Variants in NAGA observed in about 807,000 individuals in gnomAD.
NAGA encodes the protein alpha-N-acetylgalactosaminidase.
Under a neutral mutation model 45.6 loss-of-function variants are expected in NAGA, and 42 were observed. The observed-to-expected ratio is 0.92, with a 90% CI of 0.72 to 1.19. NAGA has a LOEUF of 1.19. NAGA is among the 50% of genes most tolerant of loss of function. NAGA has a pLI of 0.00. For missense variants in NAGA, 493 were observed against 544.8 expected, an observed-to-expected ratio of 0.90 and a Z score of 0.95; for synonymous variants, 176 against 203.1, an observed-to-expected ratio of 0.87 and a Z score of 1.13.
chr22:42,063,149 G>C, intron 6 of NAGA, 125 bp from the exon 7 acceptor site: 1 of 985,880 alleles, frequency 1.0e-6, no homozygotes, highest in Non-Finnish European at 1.5e-6. Flanking sequence ...GTATGTGGAG[G>C]AGGCCTGGTT....
At position 42,068,535 on chromosome 22, in the gene NAGA, T is replaced by A; in HGVS notation, c.56A>T (p.Asp19Val). 1.9e-6 allele frequency: 3 copies of A among 1,614,142 alleles called. No homozygotes were observed. Among genetic ancestry groups the A allele is most frequent in the Middle Eastern group, 1.6e-4 (1 of 6,062 alleles). The change falls in exon 2 of 9, where the codon GAC (aspartate) becomes GTC (valine). Residue 19 changes from aspartate (D) to valine (V), a missense_variant. Asp to Val is a radical substitution (Grantham distance 152, BLOSUM62 -3). Transcript: ENST00000396398. ...GGGTGGTGTCTGCAGGAGCCCATTGTCCAGCATCAGCACCTGGGCCACATG... is the reference window on the plus strand; with the variant it reads ...GGGTGGTGTCTGCAGGAGCCCATTGACCAGCATCAGCACCTGGGCCACATG... ...LGHVAQVLML[D>V]NGLLQTPPMG...
At chr22:42,068,238 AG>A (rs1926859886) in intron 2 of NAGA, among the ~76,000 whole-genome samples, 200 bp downstream of exon 2, 1 of 152,132 alleles carries the variant, frequency 6.6e-6, no homozygotes, top group African/African-American at 2.4e-5. Flanking sequence ...CCTCGTGACC[AG>A]GTTGGGGCCT....
Position 42,060,987 on chromosome 22 carries a change from A to G in NAGA, c.1038T>C (p.Asp346=). 1.2e-6 allele frequency: 2 copies of G among 1,614,210 alleles called. No individual in the cohort carries two copies. The highest frequency in any genetic ancestry group is 1.7e-6 in the Non-Finnish European group (2 of 1,180,036). ...SALVFFSCRT[D]MPYRYHSSLG... is the part of the protein sequence containing the mutation. ...GGGAGGAGTGGTAGCGATAAGGCAT[A>G]TCGGTCCTGCAGCTGAAGAAGACTA... Residue 346 remains aspartate (D), a synonymous_variant, in exon 8 of 9, where the codon GAT becomes GAC. Transcript: ENST00000396398.
In NAGA at chr22:42,061,019, T is replaced by TA. The variant is rs1926348671; in HGVS notation, c.1005dup (p.Ser336Ter). The TA allele has an allele frequency of 6.2e-7, 1 of 1,614,056 alleles. No individual in the cohort carries two copies. The highest frequency in any genetic ancestry group is 1.3e-5 in the African/African-American group (1 of 74,944). On this transcript the variant is annotated frameshift_variant, in exon 8 of 9. Coordinates refer to ENST00000396398, the MANE Select transcript of NAGA (RefSeq NM_000262.3). LOFTEE classifies it high-confidence loss of function. ...CTGCAGCTGAAGAAGACTAAGGCGC[T>TA]AGCCTTGTTGGACAGAGGCCGCATG...
rs775990524 is a variant in NAGA at position 42,058,459 on chromosome 22, C to A, written c.*1820G>T. The A allele has an allele frequency of 2.1e-5, 3 of 145,766 alleles. No individual in the cohort carries two copies. Among genetic ancestry groups the A allele is most frequent in the Non-Finnish European group, 3.0e-5 (2 of 67,168 alleles). The allele number at this position is 145,766 out of a possible 1,614,324, so 9.0% of individuals were successfully genotyped here. A position where few individuals can be genotyped will look rare whatever the true frequency, so the allele number is the denominator to read the frequency against. ...AAAGTTTTTAAAAAGAGAAAGGGTACCTTGCGTCCAAACAAGTCTGTATTT... is the reference window on the plus strand; with the variant it reads ...AAAGTTTTTAAAAAGAGAAAGGGTAACTTGCGTCCAAACAAGTCTGTATTT... On this transcript the variant is annotated 3_prime_UTR_variant, in exon 9 of 9. Coordinates refer to ENST00000396398, the MANE Select transcript of NAGA (RefSeq NM_000262.3).
In NAGA at chr22:42,061,070, G is replaced by A. The variant is rs1296415187; in HGVS notation, c.958-3C>T. On this transcript the variant is annotated splice_polypyrimidine_tract_variant and splice_region_variant and intron_variant, in intron 7 of 8. Coordinates refer to ENST00000396398, the MANE Select transcript of NAGA (RefSeq NM_000262.3). ...TACACTTCGATGAGAGATTTTTCCT[G>A]GGCACAGAAGGTGGCTACTGGCTGG... 6.2e-7 allele frequency: 1 copy of A among 1,613,952 alleles called. No homozygotes were observed. The highest frequency in any genetic ancestry group is 1.3e-5 in the African/African-American group (1 of 75,036).
rs1252141130 is a variant in NAGA, at chr22:42,070,493, T to C, written c.-196A>G. 6 of 679,248 alleles carry C rather than the reference T, an allele frequency of 8.8e-6. No individual in the cohort carries two copies. Among genetic ancestry groups the C allele is most frequent in the Non-Finnish European group, 1.6e-5 (6 of 371,612 alleles). The allele number at this position is 679,248 out of a possible 1,614,324, so 42.1% of individuals were successfully genotyped here. A position where few individuals can be genotyped will look rare whatever the true frequency, so the allele number is the denominator to read the frequency against. Reference sequence around the variant, plus strand: ...TGCCCGCCCCATCCCCAGCCATCACTTCCCGGAGCTTCAGTTCTTCCTTCA... The same window carrying C: ...TGCCCGCCCCATCCCCAGCCATCACCTCCCGGAGCTTCAGTTCTTCCTTCA... On this transcript the variant is annotated 5_prime_UTR_variant, in exon 1 of 9. Transcript: ENST00000396398.
chr22:42,059,746 G>A lies in NAGA; in HGVS notation c.*533C>T, dbSNP rs1460647450. ...AGAGTCCCTAACTAAAGGTACCCCA[G>A]GTCCATATTACAACTACTTGATTAA... On this transcript the variant is annotated 3_prime_UTR_variant, in exon 9 of 9. Transcript: ENST00000396398. The A allele has an allele frequency of 6.0e-6, 1 of 167,174 alleles. No homozygotes were observed. The highest frequency in any genetic ancestry group is 1.3e-5 in the Non-Finnish European group (1 of 75,798). The allele number at this position is 167,174 out of a possible 1,614,324, so 10.4% of individuals were successfully genotyped here. A position where few individuals can be genotyped will look rare whatever the true frequency, so the allele number is the denominator to read the frequency against.
intron 1 of NAGA, among the ~76,000 whole-genome samples, chr22:42,069,068 T>C (rs575018601): frequency 2.0e-5 from 3 of 152,024 alleles, no homozygotes; most frequent in Non-Finnish European, 4.4e-5. Flanking sequence ...TGGTGAAACC[T>C]TGTCTCTACT....
intron 8 of NAGA, 61 bp from the exon 9 acceptor site, chr22:42,060,474 C>G (rs191976652): frequency 5.0e-6 from 8 of 1,605,728 alleles, no homozygotes; most frequent in Admixed American, 3.3e-5. Flanking sequence ...AGACCCCCCC[C>G]GCTAGAGGAT....
At chr22:42,067,661 C>A in intron 3 of NAGA, 104 bp downstream of exon 3, 1 of 1,010,334 alleles carries the variant, frequency 9.9e-7, no homozygotes, top group Non-Finnish European at 1.5e-6. Context: ...CTGTTTCCCC[C>A]ACTAGACTGT....
In NAGA at chr22:42,062,968, C is replaced by G; in HGVS notation, c.816G>C (p.Leu272=). Residue 272 remains leucine (L), a synonymous_variant, in exon 7 of 9, where the codon CTG becomes CTC. Coordinates refer to ENST00000396398, the MANE Select transcript of NAGA (RefSeq NM_000262.3). ...AGAGGGGGGCTGCCAGCACCGTCCA[C>G]AGGGCCATCTGGGCCCGGGATTGCT... ...SLEQSRAQMA[L]WTVLAAPLLM... is the part of the protein sequence containing the mutation. 1.9e-6 allele frequency: 3 copies of G among 1,614,206 alleles called. No homozygotes were observed. The highest frequency in any genetic ancestry group is 2.5e-6 in the Non-Finnish European group (3 of 1,180,044).
intron 4 of NAGA, 115 bp from the exon 5 acceptor site, chr22:42,066,919 T>TC: frequency 7.3e-7 from 1 of 1,369,346 alleles, no homozygotes; most frequent in South Asian, 1.2e-5. Flanking sequence ...AGTAGGTGCC[T>TC]CCCCACATAC....
In NAGA at chr22:42,060,430, C is replaced by T. The variant is rs773899136; in HGVS notation, c.1102-17G>A. 1.2e-6 allele frequency: 2 copies of T among 1,612,340 alleles called. No individual in the cohort carries two copies. Among genetic ancestry groups the T allele is most frequent in the South Asian group, 1.1e-5 (1 of 91,004 alleles). On this transcript the variant is annotated splice_polypyrimidine_tract_variant and intron_variant, in intron 8 of 8. Coordinates refer to ENST00000396398, the MANE Select transcript of NAGA (RefSeq NM_000262.3). The stretch of plus-strand genomic sequence containing the variant: ...GTCCTGGGCCTGCAGTGGGGAGGGA[C>T]ATCACCAATGCCACCATGAGAGTGG...
upstream of NAGA, chr22:42,070,817 C>A (rs946156431): frequency 4.8e-6 from 1 of 210,200 alleles, no homozygotes; most frequent in Non-Finnish European, 9.9e-6. Context: ...CCTGATAAGT[C>A]CGAAGCGTTC....
intron 8 of NAGA, 65 bp downstream of exon 8, chr22:42,060,859 C>T: frequency 6.2e-7 from 1 of 1,608,354 alleles, no homozygotes; most frequent in South Asian, 1.1e-5. Context: ...ACAACCACCC[C>T]CCATAATACC....
Position 42,063,007 on chromosome 22 carries a change from A to T in NAGA, c.777T>A (p.Phe259Leu), listed in dbSNP as rs1482110215. The change falls in exon 7 of 9, where the codon TTT (phenylalanine) becomes TTA (leucine). Residue 259 changes from phenylalanine to leucine, a missense_variant. By Grantham distance (22) the Phe-to-Leu change is conservative. Transcript: ENST00000396398. ...CCCGGGATTGCTCTAAGCTGAGACC[A>T]AAGTTCCCAATGAGCAGCTGGGGGC... The part of the protein sequence containing the change: ...NDPDMLLIGN[F>L]GLSLEQSRAQ... 6.2e-7 allele frequency: 1 copy of T among 1,614,202 alleles called. No individual in the cohort carries two copies. Among genetic ancestry groups the T allele is most frequent in the Admixed American group, 1.7e-5 (1 of 60,024 alleles).
At chr22:42,070,122 G>T (rs972058545) in intron 1 of NAGA, among the ~76,000 whole-genome samples, 160 bp downstream of exon 1, 1 of 152,252 alleles carries the variant, frequency 6.6e-6, no homozygotes, top group Admixed American at 6.5e-5. Flanking sequence ...AAGGAGAAAT[G>T]ATTCCCGTAT....
intron 1 of NAGA, among the ~76,000 whole-genome samples, chr22:42,070,063 G>A (rs1467495817): frequency 1.3e-5 from 2 of 152,256 alleles, no homozygotes; most frequent in African/African-American, 4.8e-5. Flanking sequence ...CCATCAGTTA[G>A]GGCCTCTGTG....
Sources: gnomAD v4.1 joint callset for allele counts (sites outside exome capture counted in the v4.1 genomes callset) on GRCh38, gnomAD v4.1.1 for gene constraint, MANE v1.5 for transcripts, NCBI Gene and HGNC (gene_info 2026-07-23, HGNC 2026-07-21) for gene names.